PLPPR5: variants seen among roughly 807,000 people sequenced by gnomAD.
The protein encoded by PLPPR5 is phospholipid phosphatase related 5, also known as phospholipid phosphatase-related protein type 5.
Under a neutral mutation model 33.9 loss-of-function variants are expected in PLPPR5, and 16 were observed. The observed-to-expected ratio is 0.47, with a 90% CI of 0.32 to 0.72. The LOEUF is 0.72. Among genes scored for constraint, PLPPR5 ranks in the 30% least tolerant of loss-of-function variants. The probability of loss-of-function intolerance (pLI) is 0.03; values close to 1 mark genes in which losing one functional copy is unlikely to be tolerated. For synonymous variants in PLPPR5, 163 were observed against 150.3 expected, an observed-to-expected ratio of 1.08 and a Z score of -0.62; for missense variants, 301 against 406.7, an observed-to-expected ratio of 0.74 and a Z score of 2.23.
At chr1:98,916,785 T>C (rs1649369829) in intron 4 of PLPPR5, among the ~76,000 whole-genome samples, 1 of 152,200 alleles carries the variant, frequency 6.6e-6, no homozygotes, top group African/African-American at 2.4e-5. Flanking sequence ...GGAAAGAAAT[T>C]ACCTAATCCT....
chr1:98,938,988 G>A (rs528981805), intron 3 of PLPPR5, among the ~76,000 whole-genome samples: 1 of 152,212 alleles, frequency 6.6e-6, no homozygotes, highest in African/African-American at 2.4e-5. Context: ...TGGAGGGTGG[G>A]AGGAGAGAGA....
chr1:98,959,648 C>A lies in PLPPR5; in HGVS notation c.238-2907G>T, dbSNP rs149827625. On this transcript the variant is annotated intron_variant, in intron 1 of 5. Coordinates refer to ENST00000263177, the MANE Select transcript of PLPPR5 (RefSeq NM_001037317.2). Reference sequence around the variant, plus strand: ...GCCAGTGCTCCTGATTCCGAGCATACATGATTTCCCCAGTTGTCTTCAAGA... The same window carrying A: ...GCCAGTGCTCCTGATTCCGAGCATAAATGATTTCCCCAGTTGTCTTCAAGA... Among the ~76,000 whole-genome samples, 548 of 152,262 alleles carry A rather than the reference C, an allele frequency of 3.6e-3. 2 individuals are homozygous for A. The highest frequency in any genetic ancestry group is 0.015 in the South Asian group (73 of 4,824).
intron 1 of PLPPR5, among the ~76,000 whole-genome samples, chr1:98,962,644 A>G (rs1170356735): frequency 6.6e-6 from 1 of 151,852 alleles, no homozygotes; most frequent in East Asian, 1.9e-4. Context: ...TATAATCCAA[A>G]TTTTCTTTTC....
rs1336446286 is a variant in PLPPR5, at chr1:98,962,606, C to T, written c.238-5865G>A. Among the ~76,000 whole-genome samples, 3 of 152,122 alleles carry T rather than the reference C, an allele frequency of 2.0e-5. 1 individual carries two copies. Among genetic ancestry groups the T allele is most frequent in the Admixed American group, 2.0e-4 (3 of 15,268 alleles). ...TCTCTGCTCTTCAAACTGTTACTGT[C>T]AGATTGGTTTATTGAAAGCAAATTT... On this transcript the variant is annotated intron_variant, in intron 1 of 5. Transcript: ENST00000263177.
At chr1:98,975,124 A>G (rs1259160450) in intron 1 of PLPPR5, among the ~76,000 whole-genome samples, 2 of 151,986 alleles carry the variant, frequency 1.3e-5, no homozygotes, top group Non-Finnish European at 2.9e-5. Context: ...CTGTTGCAGG[A>G]CCAGATGCCC....
chr1:98,912,954 A>T (rs1649207492), intron 5 of PLPPR5, among the ~76,000 whole-genome samples: 1 of 152,124 alleles, frequency 6.6e-6, no homozygotes, highest in Non-Finnish European at 1.5e-5. Context: ...TACCATGGAC[A>T]AGTAATTATT....
intron 1 of PLPPR5, among the ~76,000 whole-genome samples, chr1:98,976,208 C>G (rs898947093): frequency 2.0e-5 from 3 of 150,922 alleles, no homozygotes; most frequent in African/African-American, 7.3e-5. Context: ...GGGAGAGAAT[C>G]CACACATAGT....
intron 1 of PLPPR5, among the ~76,000 whole-genome samples, chr1:98,963,317 T>A (rs1232001483): frequency 6.6e-6 from 1 of 152,242 alleles, no homozygotes; most frequent in Non-Finnish European, 1.5e-5. Context: ...TTTATTATGA[T>A]AATTTGCATA....
chr1:98,969,759 G>C (rs1022496032), intron 1 of PLPPR5, among the ~76,000 whole-genome samples: 1 of 138,310 alleles, frequency 7.2e-6, no homozygotes. Flanking sequence ...CTTTTTGCTA[G>C]TTCAGAAAAA....
intron 1 of PLPPR5, among the ~76,000 whole-genome samples, chr1:98,993,069 T>C (rs1356918845): frequency 1.3e-5 from 2 of 152,172 alleles, no homozygotes; most frequent in Non-Finnish European, 2.9e-5. Context: ...TTAATATGTA[T>C]AAAGTAGTTG....
Position 98,928,570 on chromosome 1 carries a change from T to TATATATATATATATA in PLPPR5, c.622-6513_622-6512insTATATATATATATAT, listed in dbSNP as rs1205843679. On this transcript the variant is annotated intron_variant, in intron 3 of 5. Transcript: ENST00000263177. Reference sequence around the variant, plus strand: ...AATCATATATATATATATATATATATATGGTTCACTTTCTATTTCTATTGA... The same window carrying TATATATATATATATA: ...AATCATATATATATATATATATATATATATATATATATATAATGGTTCACTTTCTATTTCTATTGA... 2.0e-4 allele frequency among the ~76,000 whole-genome samples: 29 copies of TATATATATATATATA among 143,172 alleles called. 1 individual carries two copies. The highest frequency in any genetic ancestry group is 4.0e-4 in the Non-Finnish European group (26 of 65,242). The allele number at this position is 143,172 out of a possible 152,430, so 93.9% of individuals were successfully genotyped here.
In PLPPR5 at chr1:98,909,237, TTCCCTCCCTTCCCCTCCCTTCCCCC is replaced by T. The variant is rs1417123508; in HGVS notation, c.933+5524_933+5548del. 7.8e-5 allele frequency among the ~76,000 whole-genome samples: 8 copies of T among 102,044 alleles called. No homozygotes were observed. The South Asian group carries it at 2.8e-3, about 36-fold the overall frequency. The allele number at this position is 102,044 out of a possible 152,430, so 66.9% of individuals were successfully genotyped here. A position where few individuals can be genotyped will look rare whatever the true frequency, so the allele number is the denominator to read the frequency against. On this transcript the variant is annotated intron_variant, in intron 5 of 5. Coordinates refer to ENST00000263177, the MANE Select transcript of PLPPR5 (RefSeq NM_001037317.2). Reference sequence around the variant, plus strand: ...CCCCCTCCCCTCCCTTCCCTTCCCTTTCCCTCCCTTCCCCTCCCTTCCCCCTCCCTCCCTTCCCCTCCCTTCCCCG... The same window carrying T: ...CCCCCTCCCCTCCCTTCCCTTCCCTTTCCCTCCCTTCCCCTCCCTTCCCCG...
chr1:98,922,119 T>C (rs1649579383), intron 3 of PLPPR5, 61 bp from the exon 4 acceptor site: 7 of 1,445,526 alleles, frequency 4.8e-6, no homozygotes, highest in Non-Finnish European at 6.7e-6. Context: ...TAGCATAGCA[T>C]ATTATGTGTA....
intron 3 of PLPPR5, among the ~76,000 whole-genome samples, chr1:98,941,154 T>C (rs562757195): frequency 1.3e-5 from 2 of 152,010 alleles, no homozygotes; most frequent in East Asian, 3.9e-4. Flanking sequence ...AGAAAAGATC[T>C]AGAACAGAAA....
chr1:98,922,038 G>C lies in PLPPR5; in HGVS notation c.642C>G (p.Ile214Met), dbSNP rs779606077. The C allele has an allele frequency of 1.2e-6, 2 of 1,612,536 alleles. No individual in the cohort carries two copies. Among genetic ancestry groups the C allele is most frequent in the African/African-American group, 2.7e-5 (2 of 74,542 alleles). Reference protein sequence around the residue: ...MYLTMYITNTIKAKGTRLAKP... With the variant: ...MYLTMYITNTMKAKGTRLAKP... Reference sequence around the variant, plus strand: ...TAGCAAGTCTGGTTCCCTTGGCTTTGATTGTGTTGGTGATGTACATCTGAA... The same window carrying C: ...TAGCAAGTCTGGTTCCCTTGGCTTTCATTGTGTTGGTGATGTACATCTGAA... Residue 214 changes from isoleucine to methionine, a missense_variant, in exon 4 of 6, where the codon ATC becomes ATG. Transcript: ENST00000263177.
At chr1:98,960,264 C>T (rs889925979) in intron 1 of PLPPR5, among the ~76,000 whole-genome samples, 6 of 151,850 alleles carry the variant, frequency 4.0e-5, no homozygotes, top group African/African-American at 9.7e-5. Context: ...AGTGCAGTGG[C>T]GCACTCTTGG....
At chr1:98,910,261 T>C (rs1649071426) in intron 5 of PLPPR5, among the ~76,000 whole-genome samples, 1 of 152,196 alleles carries the variant, frequency 6.6e-6, no homozygotes, top group Non-Finnish European at 1.5e-5. Flanking sequence ...GGGCCAGCTT[T>C]AACGTCTAAT....
In PLPPR5 at chr1:99,004,419, G is replaced by C. The variant is rs771273839; in HGVS notation, c.237+16C>G. 1 of 1,575,912 alleles carries C rather than the reference G, an allele frequency of 6.3e-7. No individual in the cohort carries two copies. Among genetic ancestry groups the C allele is most frequent in the Non-Finnish European group, 8.6e-7 (1 of 1,157,318 alleles). On this transcript the variant is annotated intron_variant, in intron 1 of 5. Coordinates refer to ENST00000263177, the MANE Select transcript of PLPPR5 (RefSeq NM_001037317.2). ...ATCAGGGACTCGGCGACGAGGGCGA[G>C]CGCCCCCGGGCTTACCACGAGCACG...
rs781728614 is a variant in PLPPR5 at position 99,004,422 on chromosome 1, C to T, written c.237+13G>A. On this transcript the variant is annotated intron_variant, in intron 1 of 5. Coordinates refer to ENST00000263177, the MANE Select transcript of PLPPR5 (RefSeq NM_001037317.2). ...AGGGACTCGGCGACGAGGGCGAGCG[C>T]CCCCGGGCTTACCACGAGCACGGGG... The T allele has an allele frequency of 1.9e-5, 30 of 1,589,562 alleles. No homozygotes were observed. The highest frequency in any genetic ancestry group is 2.5e-5 in the Non-Finnish European group (29 of 1,166,912).
Sources: allele counts gnomAD v4.1 joint callset (sites outside exome capture counted in the v4.1 genomes callset), GRCh38; gene constraint gnomAD v4.1.1; transcripts MANE v1.5; gene names NCBI Gene and HGNC (gene_info 2026-07-23, HGNC 2026-07-21).